SNCAIP: variants seen among roughly 807,000 people sequenced by gnomAD.
SNCAIP encodes synphilin-1.
SNCAIP carries 43 observed loss-of-function variants against 86.7 expected under a neutral mutation model. The ratio of observed to expected loss-of-function variants is 0.50; its 90% CI spans 0.39 to 0.64. The LOEUF (loss-of-function observed/expected upper bound fraction) is 0.64. Ranked by LOEUF, SNCAIP falls within the 30% of genes least tolerant of loss-of-function variation. The pLI is 0.00. For missense variants in SNCAIP, 981 were observed against 1,103.1 expected, an observed-to-expected ratio of 0.89 and a Z score of 1.57; for synonymous variants, 417 against 427.2, an observed-to-expected ratio of 0.98 and a Z score of 0.29.
At chr5:122,414,908 A>T (rs1209433217) in intron 3 of SNCAIP, among the ~76,000 whole-genome samples, 5 of 152,214 alleles carry the variant, frequency 3.3e-5, no homozygotes, top group African/African-American at 4.8e-5. Context: ...GAGTTGTGGA[A>T]ATCTCTAATG....
intron 2 of SNCAIP, among the ~76,000 whole-genome samples, chr5:122,396,121 A>T (rs1350010757): frequency 1.3e-5 from 2 of 152,158 alleles, no homozygotes; most frequent in Non-Finnish European, 2.9e-5. Context: ...AATATCCTGC[A>T]TTCAAGGCTA....
intron 3 of SNCAIP, 25 bp downstream of exon 3, chr5:122,403,890 T>A: frequency 6.4e-7 from 1 of 1,573,850 alleles, no homozygotes; most frequent in Non-Finnish European, 8.7e-7. Context: ...TCCCCTCTTC[T>A]CCTTATCCTG....
At chr5:122,344,149 A>G (rs903436044) in intron 1 of SNCAIP, among the ~76,000 whole-genome samples, 1 of 152,150 alleles carries the variant, frequency 6.6e-6, no homozygotes, top group Non-Finnish European at 1.5e-5. Context: ...CTCCTCCGCT[A>G]AAATGTAAGC....
chr5:122,408,547 T>C (rs1178758621), intron 3 of SNCAIP, among the ~76,000 whole-genome samples: 1 of 152,212 alleles, frequency 6.6e-6, no homozygotes, highest in Non-Finnish European at 1.5e-5. Flanking sequence ...AAGCTTTGAT[T>C]CCTATTGAAG....
At chr5:122,322,594 G>T (rs1753178509) in intron 1 of SNCAIP, among the ~76,000 whole-genome samples, 1 of 152,128 alleles carries the variant, frequency 6.6e-6, no homozygotes, top group African/African-American at 2.4e-5. Context: ...GTTTCTGAGT[G>T]CATACAGGAA....
chr5:122,321,168 A>G (rs1433330289), intron 1 of SNCAIP: 1 of 152,246 alleles, frequency 6.6e-6, no homozygotes, highest in Non-Finnish European at 1.5e-5. Context: ...AAAAGGGAAC[A>G]GGTGACATCA....
At chr5:122,393,457 C>T (rs540452982) in intron 2 of SNCAIP, among the ~76,000 whole-genome samples, 20 of 152,210 alleles carry the variant, frequency 1.3e-4, no homozygotes, top group African/African-American at 4.8e-4. Flanking sequence ...ATTCTGTCTC[C>T]AGAGTATTTA....
At position 122,451,037 on chromosome 5, in the gene SNCAIP, A is replaced by G; in HGVS notation, c.2190A>G (p.Gly730=). ...MIKKHTLASG[G]RRFPFSIKAS... The stretch of plus-strand genomic sequence containing the variant: ...AGAAACACACCTTGGCATCAGGGGG[A>G]CGCAGGTTTCCTTTCAGCATCAAGG... Residue 730 remains glycine (G), a synonymous_variant, in exon 10 of 11, where the codon GGA becomes GGG. Transcript: ENST00000261368. 1 of 1,614,160 alleles carries G rather than the reference A, an allele frequency of 6.2e-7. No individual in the cohort carries two copies. The highest frequency in any genetic ancestry group is 8.5e-7 in the Non-Finnish European group (1 of 1,180,028).
intron 1 of SNCAIP, among the ~76,000 whole-genome samples, chr5:122,324,094 A>G (rs1285678181): frequency 6.6e-6 from 1 of 152,070 alleles, no homozygotes; most frequent in African/African-American, 2.4e-5. Context: ...CTAAGAAAAA[A>G]CCCACAGGGA....
chr5:122,332,680 C>T (rs1755625561), intron 1 of SNCAIP, among the ~76,000 whole-genome samples: 2 of 152,200 alleles, frequency 1.3e-5, no homozygotes. Flanking sequence ...GACAGTGGCA[C>T]TGGAAGGAAA....
At chr5:122,402,859 A>G (rs1443238535) in intron 2 of SNCAIP, among the ~76,000 whole-genome samples, 4 of 152,204 alleles carry the variant, frequency 2.6e-5, no homozygotes, top group Non-Finnish European at 4.4e-5. Context: ...CTTTAAGAAC[A>G]TTGTCCTTAG....
chr5:122,400,964 CT>C lies in SNCAIP; in HGVS notation c.58-2828del, dbSNP rs1771682718. ...TGCTTCTTCATTAACTGCAAGCCCC[CT>C]CTTCACTCTTCTCACCCAAGGACAA... On this transcript the variant is annotated intron_variant, in intron 2 of 10. Coordinates refer to ENST00000261368, the MANE Select transcript of SNCAIP (RefSeq NM_005460.4). 7 of 1,536,042 alleles carry C rather than the reference CT, an allele frequency of 4.6e-6. No homozygotes were observed. In the South Asian group the frequency reaches 7.4e-5, roughly 16 times the overall value.
intron 8 of SNCAIP, 23 bp from the exon 9 acceptor site, chr5:122,449,822 T>G: frequency 6.5e-7 from 1 of 1,531,190 alleles, no homozygotes; most frequent in Non-Finnish European, 9.1e-7. Context: ...AGAGTCCTCA[T>G]GTGTTTTGGT....
intron 3 of SNCAIP, among the ~76,000 whole-genome samples, chr5:122,417,699 C>T (rs1775596699): frequency 6.6e-6 from 1 of 151,896 alleles, no homozygotes; most frequent in Non-Finnish European, 1.5e-5. Flanking sequence ...TCCTTCCATT[C>T]TGCCTTTCTA....
At chr5:122,311,634 G>A (rs1750593653), upstream of SNCAIP, 1 of 151,502 alleles carries the variant, frequency 6.6e-6, no homozygotes, top group East Asian at 2.0e-4. Flanking sequence ...CGGTGAGGGG[G>A]CGATTTCCAG....
At position 122,366,440 on chromosome 5, in the gene SNCAIP, A is replaced by T. The variant is rs188865251; in HGVS notation, c.-46-24649A>T. 1.7e-4 allele frequency among the ~76,000 whole-genome samples: 26 copies of T among 152,324 alleles called. No individual in the cohort carries two copies. The East Asian group carries it at 5.0e-3, about 29-fold the overall frequency. On this transcript the variant is annotated intron_variant, in intron 1 of 10. Transcript: ENST00000261368. ...ATTGAGTCTGCCATTGGCCAGATTT[A>T]CCTGGAAGCCAGTCAGTTGGCAAAG...
intron 1 of SNCAIP, among the ~76,000 whole-genome samples, chr5:122,348,870 T>C (rs1759192480): frequency 6.6e-6 from 1 of 152,164 alleles, no homozygotes; most frequent in Admixed American, 6.6e-5. Flanking sequence ...TGTTGTAAAG[T>C]TTTGTACAAA....
At chr5:122,386,855 G>A (rs1430335151) in intron 1 of SNCAIP, among the ~76,000 whole-genome samples, 3 of 151,696 alleles carry the variant, frequency 2.0e-5, no homozygotes, top group East Asian at 1.9e-4. Flanking sequence ...TAACATACCT[G>A]CCTAAATAAA....
chr5:122,451,571 C>T lies in SNCAIP; in HGVS notation c.2724C>T (p.Ala908=). 6.2e-7 allele frequency: 1 copy of T among 1,612,508 alleles called. No individual in the cohort carries two copies. Among genetic ancestry groups the T allele is most frequent in the South Asian group, 1.1e-5 (1 of 91,034 alleles). ...GRKTDAKGNP[A]SSASKGKNKA... ...AGACAGATGCCAAGGGAAACCCTGC[C>T]AGCTCCGCTAGCAAAGGAAAGAATA... The change falls in exon 10 of 11, where the codon GCC becomes GCT. Residue 908 remains alanine, a synonymous_variant. Coordinates refer to ENST00000261368, the MANE Select transcript of SNCAIP (RefSeq NM_005460.4).
Sources: allele counts gnomAD v4.1 joint callset (sites outside exome capture counted in the v4.1 genomes callset), GRCh38; gene constraint gnomAD v4.1.1; transcripts MANE v1.5; gene names NCBI Gene and HGNC (gene_info 2026-07-23, HGNC 2026-07-21).